The following RAP1GAP2 variants were observed in gnomAD, a reference collection of about 807,000 sequenced individuals.
RAP1GAP2 encodes the protein RAP1 GTPase activating protein 2.
Under a neutral mutation model 95.0 loss-of-function variants are expected in RAP1GAP2, and 27 were observed. The observed-to-expected ratio is 0.28, with a 90% CI of 0.21 to 0.39. The LOEUF (loss-of-function observed/expected upper bound fraction) is 0.39, where lower values mean the gene tolerates loss of function less well. Among genes scored for constraint, RAP1GAP2 ranks in the 10% least tolerant of loss-of-function variants. RAP1GAP2 has a pLI of 1.00. For synonymous variants in RAP1GAP2, 373 were observed against 380.9 expected, an observed-to-expected ratio of 0.98 and a Z score of 0.24; for missense variants, 771 against 970.0, an observed-to-expected ratio of 0.79 and a Z score of 2.72.
chr17:2,959,542 C>T (rs1253189046), intron 4 of RAP1GAP2, among the ~76,000 whole-genome samples: 1 of 152,196 alleles, frequency 6.6e-6, no homozygotes, highest in Admixed American at 6.5e-5. Flanking sequence ...CCCGCGTGGG[C>T]CTTGAGCCTG....
intron 1 of RAP1GAP2, among the ~76,000 whole-genome samples, chr17:2,785,899 C>CAT (rs376291459): frequency 8.3e-6 from 1 of 119,952 alleles, no homozygotes; most frequent in Non-Finnish European, 1.6e-5. Flanking sequence ...AAAAGTATGA[C>CAT]TTTTTTTTTT....
At chr17:2,880,452 CTT>C (rs144962259) in intron 2 of RAP1GAP2, among the ~76,000 whole-genome samples, 46 of 137,756 alleles carry the variant, frequency 3.3e-4, no homozygotes, top group Admixed American at 4.4e-4. Flanking sequence ...TCACCTTCTT[CTT>C]TTTTTTTTTT....
At chr17:2,927,343 C>A (rs369248395) in intron 3 of RAP1GAP2, among the ~76,000 whole-genome samples, 7 of 151,470 alleles carry the variant, frequency 4.6e-5, no homozygotes, top group Admixed American at 1.3e-4. Flanking sequence ...TTAGTAGAGA[C>A]GGGGTTTCAC....
In RAP1GAP2 at chr17:2,796,483, C is replaced by T. The variant is rs369593699; in HGVS notation, c.-45C>T. On this transcript the variant is annotated 5_prime_UTR_variant, in exon 1 of 25. In the 5' UTR this introduces an upstream ATG that the reference lacks. Coordinates refer to ENST00000254695, the MANE Select transcript of RAP1GAP2 (RefSeq NM_015085.5). This position sits in a 1 kb window ranked among gnomAD's most constrained non-coding sequence, Gnocchi z 4.7. ...GCCCTCTTGCGGACAGCCCCGGGGA[C>T]GTCGTTGGGACATCGCTGGGACCCC... 55 of 1,550,586 alleles carry T rather than the reference C, an allele frequency of 3.5e-5. No homozygotes were observed. Among genetic ancestry groups the T allele is most frequent in the Non-Finnish European group, 4.4e-5 (51 of 1,146,500 alleles).
chr17:2,864,305 C>G (rs2072535373), intron 2 of RAP1GAP2, among the ~76,000 whole-genome samples: 1 of 152,226 alleles, frequency 6.6e-6, no homozygotes, highest in Non-Finnish European at 1.5e-5. Context: ...AAGCAAAGCC[C>G]TGTCTGGCTG....
intron 19 of RAP1GAP2, among the ~76,000 whole-genome samples, chr17:3,022,390 T>G (rs1171027869): frequency 1.3e-5 from 2 of 152,222 alleles, no homozygotes; most frequent in African/African-American, 4.8e-5. Context: ...GTTACCATAT[T>G]ACCAAGCAAT....
At chr17:3,030,825 G>A (rs1363090988) in intron 22 of RAP1GAP2, 97 bp from the exon 23 acceptor site, 7 of 1,190,458 alleles carry the variant, frequency 5.9e-6, no homozygotes, top group South Asian at 1.3e-5. Context: ...TGGAGGGCAG[G>A]AGGCCCCCTT....
chr17:2,868,580 C>T (rs1391717780), intron 2 of RAP1GAP2, among the ~76,000 whole-genome samples: 4 of 148,976 alleles, frequency 2.7e-5, no homozygotes, highest in African/African-American at 7.5e-5. Context: ...TGCAGTGGCA[C>T]GATCTCAGCT....
intron 2 of RAP1GAP2, among the ~76,000 whole-genome samples, chr17:2,889,721 C>T (rs376904621): frequency 1.4e-5 from 2 of 139,602 alleles, no homozygotes; most frequent in African/African-American, 2.7e-5. Context: ...CTCACTCTGT[C>T]GCCCAGGCTG....
In RAP1GAP2 at chr17:2,904,836, T is replaced by G. The variant is rs996390208; in HGVS notation, c.81-448T>G. Among the ~76,000 whole-genome samples the G allele has an allele frequency of 6.6e-6, 1 of 151,990 alleles. No homozygotes were observed. Among genetic ancestry groups the G allele is most frequent in the African/African-American group, 2.4e-5 (1 of 41,388 alleles). On this transcript the variant is annotated intron_variant, in intron 2 of 24. Transcript: ENST00000254695. This position sits in a 1 kb window ranked among gnomAD's most constrained non-coding sequence, Gnocchi z 4.7. Reference sequence around the variant, plus strand: ...AGAGTAGCACTGCTTTAGATTTTGGTGCATTGGAGTAAAGAAAATGCTCCC... The same window carrying G: ...AGAGTAGCACTGCTTTAGATTTTGGGGCATTGGAGTAAAGAAAATGCTCCC...
chr17:2,963,196 G>C lies in RAP1GAP2; in HGVS notation c.247-234G>C. 1.7e-6 allele frequency: 1 copy of C among 596,670 alleles called. No homozygotes were observed. Among genetic ancestry groups the C allele is most frequent in the South Asian group, 2.0e-5 (1 of 49,548 alleles). 37.0% of individuals were successfully genotyped at this position (596,670 alleles called of 1,614,324 possible). On this transcript the variant is annotated intron_variant, in intron 5 of 24. Transcript: ENST00000254695. This position sits in a 1 kb window ranked among gnomAD's most constrained non-coding sequence, Gnocchi z 4.8. The stretch of plus-strand genomic sequence containing the variant: ...GGTATCACGAGGGGTGAGAAGTTCA[G>C]CACCTTCGGACACTGCATCATCAGC...
intron 8 of RAP1GAP2, among the ~76,000 whole-genome samples, chr17:2,978,508 G>A (rs1164214586): frequency 6.6e-6 from 1 of 152,138 alleles, no homozygotes; most frequent in Non-Finnish European, 1.5e-5. Flanking sequence ...ATGCTATTCA[G>A]GACGGCACAA....
chr17:2,796,590 G>T lies in RAP1GAP2; in HGVS notation c.44+19G>T. ...TCGGATGGTGGGTGACAGGTGGGAG[G>T]GTGGGGGAATGATGGGAGAGAACTT... On this transcript the variant is annotated intron_variant, in intron 1 of 24. Coordinates refer to ENST00000254695, the MANE Select transcript of RAP1GAP2 (RefSeq NM_015085.5). The surrounding 1 kb of genome is among the most constrained non-coding windows in gnomAD (Gnocchi z 4.7). 6.4e-7 allele frequency: 1 copy of T among 1,556,312 alleles called. No individual in the cohort carries two copies. The highest frequency in any genetic ancestry group is 1.9e-5 in the Admixed American group (1 of 51,408).
upstream of RAP1GAP2, among the ~76,000 whole-genome samples, chr17:2,791,866 T>TC (rs1490569510): frequency 3.3e-5 from 5 of 149,466 alleles, no homozygotes; most frequent in African/African-American, 1.2e-4. Context: ...TCTTTTTTTT[T>TC]TTTTTTTTTT....
rs988595925 is a variant in RAP1GAP2 at position 2,893,320 on chromosome 17, C to T, written c.81-11964C>T. On this transcript the variant is annotated intron_variant, in intron 2 of 24. Coordinates refer to ENST00000254695, the MANE Select transcript of RAP1GAP2 (RefSeq NM_015085.5). ...TCTCCCAAAGTGCTGGGATTACAGG[C>T]GTGAGCCACCGCACCCAGCCCCCTT... Among the ~76,000 whole-genome samples the T allele has an allele frequency of 1.4e-4, 22 of 152,288 alleles. 2 individuals carry two copies. Among genetic ancestry groups the T allele is most frequent in the Admixed American group, 1.2e-3 (18 of 15,278 alleles).
In RAP1GAP2 at chr17:2,791,219, A is replaced by C. The variant is rs369892687; in HGVS notation, c.-13-9296A>C. 9.9e-5 allele frequency among the ~76,000 whole-genome samples: 15 copies of C among 152,234 alleles called. No individual in the cohort carries two copies. The East Asian group carries it at 1.7e-3, about 18-fold the overall frequency. On this transcript the variant is annotated intron_variant, in intron 1 of 24. Transcript: ENST00000540393. Reference sequence around the variant, plus strand: ...GCCCCCTTCTCTAAAAAAGAAAAAAAAATGCCCATCGAACTGGGTGAGTTC... The same window carrying C: ...GCCCCCTTCTCTAAAAAAGAAAAAACAATGCCCATCGAACTGGGTGAGTTC...
intron 3 of RAP1GAP2, among the ~76,000 whole-genome samples, chr17:2,945,624 C>A (rs547674950): frequency 6.7e-6 from 1 of 150,236 alleles, no homozygotes; most frequent in Non-Finnish European, 1.5e-5. Flanking sequence ...TTTTTTAATG[C>A]CTTTTATGTC....
intron 3 of RAP1GAP2, among the ~76,000 whole-genome samples, chr17:2,905,971 C>T (rs1457552570): frequency 6.6e-6 from 1 of 152,226 alleles, no homozygotes; most frequent in Admixed American, 6.5e-5. Context: ...ATGACCTTCC[C>T]CCATCACTTT....
At chr17:2,858,365 G>T (rs1475592622) in intron 2 of RAP1GAP2, among the ~76,000 whole-genome samples, 1 of 151,972 alleles carries the variant, frequency 6.6e-6, no homozygotes, top group Non-Finnish European at 1.5e-5. Context: ...ATACCTGGTG[G>T]GTTATTCCTG....
Sources: gnomAD v4.1 joint callset for allele counts (sites outside exome capture counted in the v4.1 genomes callset) on GRCh38, gnomAD v4.1.1 for gene constraint, Gnocchi (gnomAD v3.1) non-coding constraint, MANE v1.5 for transcripts, NCBI Gene and HGNC (gene_info 2026-07-23, HGNC 2026-07-21) for gene names.